The following ICE2 variants were observed in gnomAD, a reference collection of about 807,000 sequenced individuals.
The protein encoded by ICE2 is interactor of little elongation complex ELL subunit 2.
In ICE2, 87 loss-of-function variants were observed where a neutral mutation model predicts 105.4. The ratio of observed to expected loss-of-function variants is 0.83; its 90% CI spans 0.69 to 0.99. The LOEUF (loss-of-function observed/expected upper bound fraction) is 0.99. Ranked by LOEUF, ICE2 falls within the 50% of genes least tolerant of loss-of-function variation. ICE2 has a pLI of 0.00. For synonymous variants in ICE2, 399 were observed against 392.0 expected (o/e 1.02, Z -0.21); for missense variants, 1,323 against 1,146.7 (o/e 1.15, Z -2.22).
intron 15 of ICE2, 100 bp from the exon 16 acceptor site, chr15:60,423,862 A>C: frequency 9.3e-7 from 1 of 1,074,544 alleles, no homozygotes; most frequent in Non-Finnish European, 1.2e-6. Context: ...CCACCTTGCA[A>C]ATAAGCTCTT....
Position 60,419,908 on chromosome 15 carries a change from A to C in ICE2, c.*3726T>G, listed in dbSNP as rs1326921269. 6.6e-6 allele frequency: 1 copy of C among 152,202 alleles called. No homozygotes were observed. The highest frequency in any genetic ancestry group is 2.1e-4 in the South Asian group (1 of 4,828). The allele number at this position is 152,202 out of a possible 1,614,324, so 9.4% of individuals were successfully genotyped here. ...AAAAATATGTTCACAAATTCTTTCC[A>C]AACTTCTCCCTTCAAGGGTGGAGCT... On this transcript the variant is annotated 3_prime_UTR_variant, in exon 16 of 16. Coordinates refer to ENST00000261520, the MANE Select transcript of ICE2 (RefSeq NM_024611.6).
At chr15:60,431,195 T>A (rs922836811) in intron 14 of ICE2, among the ~76,000 whole-genome samples, 1 of 151,900 alleles carries the variant, frequency 6.6e-6, no homozygotes, top group African/African-American at 2.4e-5. Context: ...TTTTTTTTTT[T>A]AATCTTGAAA....
At chr15:60,429,670 C>T (rs1304026100) in intron 14 of ICE2, among the ~76,000 whole-genome samples, 1 of 152,018 alleles carries the variant, frequency 6.6e-6, no homozygotes, top group Non-Finnish European at 1.5e-5. Context: ...TACAGATTTG[C>T]CTATAAACCT....
intron 3 of ICE2, among the ~76,000 whole-genome samples, chr15:60,474,788 AG>A (rs1397243459): frequency 6.6e-6 from 1 of 152,170 alleles, no homozygotes; most frequent in Non-Finnish European, 1.5e-5. Flanking sequence ...TGTGGAGTCC[AG>A]GGATTATTTA....
At chr15:60,452,656 A>C (rs2063993665) in intron 9 of ICE2, 1 of 164,510 alleles carries the variant, frequency 6.1e-6, no homozygotes, top group Non-Finnish European at 1.3e-5. Context: ...AAAATAATGG[A>C]AAAAATATTT....
At chr15:60,461,814 C>T (rs1330817390) in intron 5 of ICE2, among the ~76,000 whole-genome samples, 2 of 152,110 alleles carry the variant, frequency 1.3e-5, no homozygotes, top group African/African-American at 4.8e-5. Flanking sequence ...TATCATTTCA[C>T]ACTAAAAGAA....
At chr15:60,435,760 G>A (rs1283850053) in intron 13 of ICE2, among the ~76,000 whole-genome samples, 1 of 152,190 alleles carries the variant, frequency 6.6e-6, no homozygotes, top group African/African-American at 2.4e-5. Context: ...CACATTGCTT[G>A]AGTCCAGGGG....
chr15:60,427,010 A>G (rs1014555962), intron 15 of ICE2, among the ~76,000 whole-genome samples: 1 of 152,214 alleles, frequency 6.6e-6, no homozygotes, highest in Non-Finnish European at 1.5e-5. Flanking sequence ...AACTTTCTCC[A>G]TTCTTTCACT....
intron 9 of ICE2, 44 bp downstream of exon 9, chr15:60,453,559 A>G: frequency 6.3e-7 from 1 of 1,594,888 alleles, no homozygotes; most frequent in Non-Finnish European, 8.5e-7. Flanking sequence ...TCAAAAGGAT[A>G]AACAAGTACA....
At chr15:60,458,588 G>GT (rs1292039575) in intron 5 of ICE2, among the ~76,000 whole-genome samples, 1 of 151,890 alleles carries the variant, frequency 6.6e-6, no homozygotes, top group Admixed American at 6.5e-5. Context: ...GAAGCGAAAC[G>GT]TAAGACTTCT....
intron 12 of ICE2, chr15:60,441,769 G>A (rs2063725830): frequency 6.6e-6 from 1 of 152,132 alleles, no homozygotes; most frequent in African/African-American, 2.4e-5. Flanking sequence ...GATGTTAACT[G>A]TACATGAAAT....
intron 14 of ICE2, among the ~76,000 whole-genome samples, chr15:60,430,830 A>G (rs1054306389): frequency 6.6e-6 from 1 of 152,330 alleles, no homozygotes; most frequent in Admixed American, 6.5e-5. Context: ...GGGAAAATCC[A>G]TATCCTAAGA....
At position 60,456,192 on chromosome 15, in the gene ICE2, T is replaced by C. The variant is rs1219075623; in HGVS notation, c.666+465A>G. ...CAGAATAAAAAGAAAGGGAAACAGA[T>C]TGGTATTACATATTTTAAAAGTTAT... is the stretch of plus-strand genomic sequence containing the variant. On this transcript the variant is annotated intron_variant, in intron 6 of 15. Coordinates refer to ENST00000261520, the MANE Select transcript of ICE2 (RefSeq NM_024611.6). Among the ~76,000 whole-genome samples the C allele has an allele frequency of 2.6e-5, 4 of 151,338 alleles. No homozygotes were observed. In the East Asian group the frequency reaches 5.9e-4, roughly 22 times the overall value.
intron 5 of ICE2, among the ~76,000 whole-genome samples, chr15:60,459,448 T>G (rs184468776): frequency 1.1e-3 from 170 of 152,154 alleles, no homozygotes; most frequent in South Asian, 1.9e-3. Context: ...ACAAGAGAGA[T>G]AAAAGATTTC....
At chr15:60,443,051 T>TA (rs1411101733) in intron 11 of ICE2, 3 of 152,316 alleles carry the variant, frequency 2.0e-5, no homozygotes, top group Non-Finnish European at 1.5e-5. Flanking sequence ...GAAAGAGCAC[T>TA]AATGCCTACA....
At chr15:60,451,232 C>T (rs1009967315) in intron 9 of ICE2, 9 of 588,582 alleles carry the variant, frequency 1.5e-5, no homozygotes, top group East Asian at 2.9e-4. Context: ...TAATAATAAA[C>T]GATGAGAATA....
At chr15:60,468,431 T>G in intron 3 of ICE2, 109 bp from the exon 4 acceptor site, 1 of 835,980 alleles carries the variant, frequency 1.2e-6, no homozygotes, top group Non-Finnish European at 1.9e-6. Context: ...ATTAACAGAG[T>G]AAACTCTGGA....
Position 60,456,742 on chromosome 15 carries a change from G to A in ICE2, c.581C>T (p.Thr194Ile), listed in dbSNP as rs1595793592. 6.4e-7 allele frequency: 1 copy of A among 1,562,420 alleles called. No homozygotes were observed. Reference sequence around the variant, plus strand: ...CATTAAGCTGGTGACCTCGTGGAGAGTATAGAATTCTGAATACTTTTTCAC... The same window carrying A: ...CATTAAGCTGGTGACCTCGTGGAGAATATAGAATTCTGAATACTTTTTCAC... ...EQVKKYSEFY[T>I]LHEVTSLMGF... The change falls in exon 6 of 16, where the codon ACT becomes ATT. Residue 194 changes from threonine (T) to isoleucine (I), a missense_variant. Physicochemically the swap from Thr to Ile is moderately conservative, Grantham distance 89 (BLOSUM62 -1). Coordinates refer to ENST00000261520, the MANE Select transcript of ICE2 (RefSeq NM_024611.6).
intron 11 of ICE2, among the ~76,000 whole-genome samples, chr15:60,446,082 C>T (rs2063816213): frequency 6.6e-6 from 1 of 152,154 alleles, no homozygotes; most frequent in South Asian, 2.1e-4. Flanking sequence ...AGAATTTTGT[C>T]ATTCCTTGAG....
Sources: gnomAD v4.1 joint callset for allele counts (sites outside exome capture counted in the v4.1 genomes callset) on GRCh38, gnomAD v4.1.1 for gene constraint, MANE v1.5 for transcripts, NCBI Gene and HGNC (gene_info 2026-07-23, HGNC 2026-07-21) for gene names.